The following RBFOX3 variants were observed in gnomAD, a reference collection of about 807,000 sequenced individuals.
RBFOX3 encodes RNA binding fox-1 homolog 3, also known as RNA binding protein fox-1 homolog 3.
A neutral mutation model predicts 48.7 loss-of-function variants in RBFOX3; 17 were observed. The observed-to-expected ratio is 0.35, with a 90% CI of 0.24 to 0.52. The LOEUF is 0.52. Ranked by LOEUF, RBFOX3 falls within the 20% of genes least tolerant of loss-of-function variation. The probability of loss-of-function intolerance (pLI) is 0.94; values close to 1 mark genes in which losing one functional copy is unlikely to be tolerated. For missense variants in RBFOX3, 382 were observed against 497.5 expected, an observed-to-expected ratio of 0.77 and a Z score of 2.21; for synonymous variants, 212 against 209.5, an observed-to-expected ratio of 1.01 and a Z score of -0.10.
At chr17:79,584,681 A>G (rs2093182049) in intron 1 of RBFOX3, among the ~76,000 whole-genome samples, 1 of 152,202 alleles carries the variant, frequency 6.6e-6, no homozygotes, top group Non-Finnish European at 1.5e-5. Flanking sequence ...GGAAAACCAA[A>G]TATCGTATGT....
At chr17:79,166,042 G>T (rs548631292) in intron 4 of RBFOX3, among the ~76,000 whole-genome samples, 22 of 152,360 alleles carry the variant, frequency 1.4e-4, no homozygotes, top group African/African-American at 5.3e-4. Context: ...CCAGGGAGCT[G>T]GAGTGAGATG....
chr17:79,395,487 CTT>C (rs1442832769), intron 2 of RBFOX3, among the ~76,000 whole-genome samples: 5 of 152,226 alleles, frequency 3.3e-5, no homozygotes, highest in Admixed American at 2.0e-4. Context: ...CCAAAGGTGT[CTT>C]TGAGACCCTC....
intron 4 of RBFOX3, among the ~76,000 whole-genome samples, chr17:79,165,326 G>A (rs538830426): frequency 7.9e-5 from 12 of 152,350 alleles, no homozygotes; most frequent in East Asian, 3.9e-4. Context: ...GTCTAATTAG[G>A]TCTAATTAAG....
At position 79,527,268 on chromosome 17, in the gene RBFOX3, C is replaced by A. The variant is rs2086920813; in HGVS notation, c.-319-44670G>T. Among the ~76,000 whole-genome samples the A allele has an allele frequency of 2.0e-5, 3 of 152,396 alleles. No homozygotes were observed. In the South Asian group the frequency reaches 6.2e-4, roughly 32 times the overall value. On this transcript the variant is annotated intron_variant, in intron 1 of 14. Transcript: ENST00000693108. ...GAGCTTCAATTCAGTTGGCTGGAAG[C>A]TAAGCCCTTCCTTTTCTTTCTTTTC...
At chr17:79,448,692 A>G (rs186363285) in intron 2 of RBFOX3, among the ~76,000 whole-genome samples, 23 of 152,268 alleles carry the variant, frequency 1.5e-4, no homozygotes, top group African/African-American at 5.3e-4. Flanking sequence ...GTCACTTGTT[A>G]TATCAGATGC....
chr17:79,567,554 T>C (rs950252448), intron 1 of RBFOX3, among the ~76,000 whole-genome samples: 7 of 149,558 alleles, frequency 4.7e-5, no homozygotes, highest in Non-Finnish European at 4.4e-5. Flanking sequence ...CATGTTGCCA[T>C]AAATGACAGG....
intron 2 of RBFOX3, among the ~76,000 whole-genome samples, chr17:79,474,335 C>T (rs111267945): frequency 1.1e-4 from 17 of 152,274 alleles, no homozygotes; most frequent in Admixed American, 2.6e-4. Context: ...ATCTCTGTGA[C>T]GATGCAGTCA....
intron 14 of RBFOX3, chr17:79,092,061 G>C: frequency 1.0e-6 from 1 of 985,510 alleles, no homozygotes; most frequent in Non-Finnish European, 1.2e-6. Context: ...CCTCAGGCCG[G>C]GGAGACCCAC....
chr17:79,664,366 G>A, the RBFOX3 span, among the ~76,000 whole-genome samples: 1 of 142,400 alleles, frequency 7.0e-6, no homozygotes, highest in African/African-American at 2.6e-5. Context: ...TTTTTTTTGA[G>A]ATGGAGTCTC....
chr17:79,466,427 C>T (rs536427148), intron 2 of RBFOX3, among the ~76,000 whole-genome samples: 91 of 152,266 alleles, frequency 6.0e-4, no homozygotes, highest in South Asian at 5.6e-3. Context: ...CTTGGGGAGT[C>T]GAGGGCAGAA....
At chr17:79,415,318 T>G (rs1462654273) in intron 2 of RBFOX3, among the ~76,000 whole-genome samples, 1 of 152,192 alleles carries the variant, frequency 6.6e-6, no homozygotes, top group Non-Finnish European at 1.5e-5. Flanking sequence ...CCCTGAGTGA[T>G]CCCCACATGA....
intron 4 of RBFOX3, among the ~76,000 whole-genome samples, chr17:79,122,394 C>T (rs886553123): frequency 3.9e-5 from 6 of 152,152 alleles, no homozygotes; most frequent in Non-Finnish European, 2.9e-5. Context: ...CAAATGTCTC[C>T]GCTGTTCCTT....
chr17:79,105,366 C>T (rs539362358), intron 6 of RBFOX3, among the ~76,000 whole-genome samples: 3 of 152,270 alleles, frequency 2.0e-5, no homozygotes, highest in South Asian at 2.1e-4. Flanking sequence ...ATGGTGTCCC[C>T]GTCCTGCAGG....
At chr17:79,618,871 C>T in the RBFOX3 span, among the ~76,000 whole-genome samples, 27 of 152,114 alleles carry the variant, frequency 1.8e-4, 1 homozygote, top group African/African-American at 6.3e-4. Context: ...CTGGGAGAGA[C>T]GGGGAGCAGG....
At position 79,510,619 on chromosome 17, in the gene RBFOX3, G is replaced by A. The variant is rs554210654; in HGVS notation, c.-319-28021C>T. 3.9e-5 allele frequency among the ~76,000 whole-genome samples: 6 copies of A among 152,330 alleles called. No homozygotes were observed. The South Asian group carries it at 1.2e-3, about 32-fold the overall frequency. On this transcript the variant is annotated intron_variant, in intron 1 of 14. Transcript: ENST00000693108. ...GGCCTGAGGTAGCCTGTCTGGGAGG[G>A]AGCAGATTAACAGCAGAGCTTGGGA... is the stretch of plus-strand genomic sequence containing the variant.
At chr17:79,251,605 G>A (rs189557668) in intron 3 of RBFOX3, among the ~76,000 whole-genome samples, 2 of 152,218 alleles carry the variant, frequency 1.3e-5, no homozygotes, top group Admixed American at 1.3e-4. Flanking sequence ...AATCCACATG[G>A]CTCAGGCCCC....
rs2093955307 is a variant in RBFOX3, at chr17:79,610,838, C to T, written c.-332G>A. ...CCAGGCTACTCACGGGCTCAGCGCT[C>T]CCCGCGGCAGGTGACTGGGGGCCGG... On this transcript the variant is annotated 5_prime_UTR_variant, in exon 1 of 15. Coordinates refer to ENST00000693108, the MANE Select transcript of RBFOX3 (RefSeq NM_001350451.2). 6.6e-6 allele frequency among the ~76,000 whole-genome samples: 1 copy of T among 151,864 alleles called. No individual in the cohort carries two copies. The highest frequency in any genetic ancestry group is 6.6e-5 in the Admixed American group (1 of 15,260).
In RBFOX3 at chr17:79,243,836, A is replaced by G. The variant is rs533815402; in HGVS notation, c.-73-8031T>C. Among the ~76,000 whole-genome samples, 9 of 152,166 alleles carry G rather than the reference A, an allele frequency of 5.9e-5. No homozygotes were observed. In the South Asian group the frequency reaches 1.9e-3, roughly 32 times the overall value. ...GGCAGAGCCAAGACAAGAAGGCGCA[A>G]TGCCACCAAGCAGATGGCAGTGGAG... On this transcript the variant is annotated intron_variant, in intron 3 of 14. Transcript: ENST00000693108. This position sits in a 1 kb window ranked among gnomAD's most constrained non-coding sequence, Gnocchi z 7.9.
chr17:79,620,282 T>TGC, the RBFOX3 span, among the ~76,000 whole-genome samples: 1 of 123,512 alleles, frequency 8.1e-6, no homozygotes, highest in Non-Finnish European at 1.7e-5. Context: ...CATACGCATA[T>TGC]GCGCACACAC....
Sources: gnomAD v4.1 joint callset for allele counts (sites outside exome capture counted in the v4.1 genomes callset) on GRCh38, gnomAD v4.1.1 for gene constraint, Gnocchi (gnomAD v3.1) non-coding constraint, MANE v1.5 for transcripts, NCBI Gene and HGNC (gene_info 2026-07-23, HGNC 2026-07-21) for gene names.